ITFG1: variants seen among roughly 807,000 people sequenced by gnomAD.
ITFG1 encodes the protein T-cell immunomodulatory protein.
ITFG1 carries 34 observed loss-of-function variants against 81.8 expected under a neutral mutation model. The ratio of observed to expected loss-of-function variants is 0.42; its 90% CI spans 0.32 to 0.55. ITFG1 has a LOEUF of 0.55. Ranked by LOEUF, ITFG1 falls within the 20% of genes least tolerant of loss-of-function variation. The pLI is 0.17. For missense variants in ITFG1, 672 were observed against 755.4 expected (o/e 0.89, Z 1.29); for synonymous variants, 285 against 270.6 (o/e 1.05, Z -0.52).
At position 47,154,774 on chromosome 16, in the gene ITFG1, A is replaced by G. The variant is rs958637819; in HGVS notation, c.*945T>C. The G allele has an allele frequency of 6.6e-6, 1 of 152,228 alleles. No individual in the cohort carries two copies. Among genetic ancestry groups the G allele is most frequent in the African/African-American group, 2.4e-5 (1 of 41,472 alleles). 9.4% of individuals were successfully genotyped at this position (152,228 alleles called of 1,614,324 possible). On this transcript the variant is annotated 3_prime_UTR_variant, in exon 18 of 18. Transcript: ENST00000320640. ...AAGAAATCAAATGTTCTTCATTATC[A>G]CATGATAAGGATAAGTTTTTGGAGG...
chr16:47,422,267 T>C (rs1007216832), intron 6 of ITFG1, among the ~76,000 whole-genome samples: 7 of 152,204 alleles, frequency 4.6e-5, no homozygotes, highest in Non-Finnish European at 7.3e-5. Flanking sequence ...TCTTCCACAA[T>C]GGTCGAACTA....
chr16:47,301,533 A>T (rs1291101685), intron 10 of ITFG1, among the ~76,000 whole-genome samples: 1 of 151,590 alleles, frequency 6.6e-6, no homozygotes, highest in East Asian at 1.9e-4. Flanking sequence ...AGTAGGTGGG[A>T]CTACAGGCGC....
At chr16:47,204,998 T>C (rs893088426) in intron 14 of ITFG1, among the ~76,000 whole-genome samples, 1 of 152,228 alleles carries the variant, frequency 6.6e-6, no homozygotes, top group Non-Finnish European at 1.5e-5. Flanking sequence ...CTCTCCTGCC[T>C]CTCCAAATCT....
chr16:47,248,733 A>G (rs1966031429), intron 12 of ITFG1, among the ~76,000 whole-genome samples: 1 of 152,230 alleles, frequency 6.6e-6, no homozygotes, highest in Non-Finnish European at 1.5e-5. Flanking sequence ...CCATTTTTTA[A>G]AAGTGAGACA....
intron 5 of ITFG1, among the ~76,000 whole-genome samples, chr16:47,443,737 G>C (rs73547271): frequency 0.069 from 10,425 of 152,070 alleles, 595 homozygotes; most frequent in African/African-American, 0.15. Context: ...ATCACATACC[G>C]GGGACTGCTT....
intron 9 of ITFG1, chr16:47,312,377 A>C (rs531925174): frequency 2.8e-4 from 43 of 152,306 alleles, no homozygotes; most frequent in Admixed American, 2.5e-3. Context: ...AAGTCAAATT[A>C]TATTAAAGAT....
In ITFG1 at chr16:47,254,407, C is replaced by T. The variant is rs143654551; in HGVS notation, c.1330+4225G>A. Reference sequence around the variant, plus strand: ...ATTATTATTATTATTATTATTATTACAACTGGGAATTGGAATATCTTATCA... The same window carrying T: ...ATTATTATTATTATTATTATTATTATAACTGGGAATTGGAATATCTTATCA... On this transcript the variant is annotated intron_variant, in intron 12 of 17. Transcript: ENST00000320640. Among the ~76,000 whole-genome samples, 1,099 of 151,750 alleles carry T rather than the reference C, an allele frequency of 7.2e-3. 15 individuals are homozygous for T. The highest frequency in any genetic ancestry group is 0.025 in the African/African-American group (1,043 of 41,296).
At chr16:47,440,142 T>G (rs1434704810) in intron 5 of ITFG1, among the ~76,000 whole-genome samples, 2 of 152,154 alleles carry the variant, frequency 1.3e-5, no homozygotes, top group African/African-American at 4.8e-5. Flanking sequence ...CTAACTATCC[T>G]AAATATATAT....
chr16:47,173,639 A>G (rs553851466), intron 14 of ITFG1, among the ~76,000 whole-genome samples: 9 of 152,338 alleles, frequency 5.9e-5, no homozygotes, highest in African/African-American at 2.2e-4. Flanking sequence ...TTGTGATATC[A>G]GACACTCCAA....
chr16:47,425,167 C>T (rs1169252239), intron 6 of ITFG1, among the ~76,000 whole-genome samples: 1 of 152,200 alleles, frequency 6.6e-6, no homozygotes, highest in Non-Finnish European at 1.5e-5. Context: ...GCTCTTCTCC[C>T]TGTCAAGCTG....
chr16:47,373,284 C>CT (rs889768957), intron 7 of ITFG1, among the ~76,000 whole-genome samples: 50 of 151,494 alleles, frequency 3.3e-4, no homozygotes, highest in Non-Finnish European at 5.0e-4. Context: ...AATACTACAT[C>CT]TTTTTTTTTC....
At chr16:47,201,416 C>T (rs1248995605) in intron 14 of ITFG1, among the ~76,000 whole-genome samples, 2 of 151,812 alleles carry the variant, frequency 1.3e-5, no homozygotes, top group Non-Finnish European at 2.9e-5. Flanking sequence ...ACCGTGTTAG[C>T]CAGGATGGTC....
At chr16:47,325,201 A>C (rs1433369897) in intron 8 of ITFG1, among the ~76,000 whole-genome samples, 1 of 151,754 alleles carries the variant, frequency 6.6e-6, no homozygotes, top group Non-Finnish European at 1.5e-5. Context: ...GCTCAACTAC[A>C]TGGAAACTGC....
intron 6 of ITFG1, among the ~76,000 whole-genome samples, chr16:47,405,982 T>G (rs1035210985): frequency 2.0e-5 from 3 of 152,220 alleles, no homozygotes; most frequent in Non-Finnish European, 4.4e-5. Context: ...CAGGAATATA[T>G]GTGTGTACAC....
intron 8 of ITFG1, among the ~76,000 whole-genome samples, chr16:47,335,305 C>T (rs1967688622): frequency 6.6e-6 from 1 of 152,008 alleles, no homozygotes; most frequent in Admixed American, 6.6e-5. Flanking sequence ...TGCTGTGAGC[C>T]CAGATCATGC....
At chr16:47,420,736 G>A (rs1268662393) in intron 6 of ITFG1, among the ~76,000 whole-genome samples, 4 of 152,142 alleles carry the variant, frequency 2.6e-5, no homozygotes, top group South Asian at 2.1e-4. Flanking sequence ...CACCACAAGT[G>A]GAAGCAGTCT....
chr16:47,383,930 A>C (rs1368007252), intron 6 of ITFG1, among the ~76,000 whole-genome samples: 1 of 152,228 alleles, frequency 6.6e-6, no homozygotes, highest in Non-Finnish European at 1.5e-5. Flanking sequence ...ACTGTATGTC[A>C]GTTTATACTG....
intron 10 of ITFG1, among the ~76,000 whole-genome samples, chr16:47,301,330 GTTGA>G (rs1967072638): frequency 6.6e-6 from 1 of 151,870 alleles, no homozygotes; most frequent in African/African-American, 2.4e-5. Context: ...CTGAGTCTGT[GTTGA>G]TTTACAGTAA....
intron 5 of ITFG1, among the ~76,000 whole-genome samples, chr16:47,433,880 A>G (rs1404896970): frequency 8.4e-6 from 1 of 119,662 alleles, no homozygotes; most frequent in East Asian, 2.3e-4. Context: ...ATATATATAT[A>G]TATATATATA....
Sources: gnomAD v4.1 joint callset for allele counts (sites outside exome capture counted in the v4.1 genomes callset) on GRCh38, gnomAD v4.1.1 for gene constraint, MANE v1.5 for transcripts, NCBI Gene and HGNC (gene_info 2026-07-23, HGNC 2026-07-21) for gene names.